DOK4: variants seen among roughly 807,000 people sequenced by gnomAD.
DOK4 encodes downstream of tyrosine kinase 4.
A neutral mutation model predicts 40.1 loss-of-function variants in DOK4; 26 were observed. That is an observed-to-expected ratio of 0.65 (90% confidence interval 0.48 to 0.90). DOK4 has a LOEUF of 0.90. Among genes scored for constraint, DOK4 ranks in the 40% least tolerant of loss-of-function variants. The pLI is 0.00. For missense variants in DOK4, 392 were observed against 437.2 expected (o/e 0.90, Z 0.92); for synonymous variants, 179 against 177.0 (o/e 1.01, Z -0.09).
At chr16:57,478,869 ACC>A (rs10609111) in intron 2 of DOK4, among the ~76,000 whole-genome samples, 15,784 of 151,976 alleles carry the variant, frequency 0.1, 972 homozygotes, top group African/African-American at 0.16. Context: ...GCCTCACACC[ACC>A]CCGTCTCGCC....
chr16:57,479,642 C>T lies in DOK4; in HGVS notation c.-135G>A, dbSNP rs1598054931. 12 of 815,558 alleles carry T rather than the reference C, an allele frequency of 1.5e-5. No homozygotes were observed. Among genetic ancestry groups the T allele is most frequent in the East Asian group, 1.0e-4 (4 of 39,046 alleles). 50.5% of individuals were successfully genotyped at this position (815,558 alleles called of 1,614,324 possible). ...GCTGCCGCGAGGGGCTGCTCCTCACCTCACCCGCCTCAGCATTGTTCTAGC... is the reference window on the plus strand; with the variant it reads ...GCTGCCGCGAGGGGCTGCTCCTCACTTCACCCGCCTCAGCATTGTTCTAGC... On this transcript the variant is annotated 5_prime_UTR_variant, in exon 2 of 9. Transcript: ENST00000340099. The surrounding 1 kb of genome is among the most constrained non-coding windows in gnomAD (Gnocchi z 5.8).
intron 7 of DOK4, 30 bp from the exon 8 acceptor site, chr16:57,473,766 T>C: frequency 6.3e-7 from 1 of 1,597,154 alleles, no homozygotes; most frequent in Non-Finnish European, 8.5e-7. Flanking sequence ...GTCACTCCCA[T>C]TAGTGGCTTA....
Position 57,479,706 on chromosome 16 carries a change from A to T in DOK4, c.-181-18T>A, listed in dbSNP as rs781641324. The T allele has an allele frequency of 1.9e-6, 1 of 535,274 alleles. No homozygotes were observed. The highest frequency in any genetic ancestry group is 3.3e-6 in the Non-Finnish European group (1 of 300,412). 33.2% of individuals were successfully genotyped at this position (535,274 alleles called of 1,614,324 possible). On this transcript the variant is annotated intron_variant, in intron 1 of 8. Transcript: ENST00000340099. The surrounding 1 kb of genome is among the most constrained non-coding windows in gnomAD (Gnocchi z 5.8). Reference sequence around the variant, plus strand: ...CGCGCCTGCTGGAAATAAAAATGACAGGGAGATTAGAGACAGTGACATCTT... The same window carrying T: ...CGCGCCTGCTGGAAATAAAAATGACTGGGAGATTAGAGACAGTGACATCTT...
At chr16:57,484,769 AC>A (rs2031501757) in intron 1 of DOK4, among the ~76,000 whole-genome samples, 1 of 152,000 alleles carries the variant, frequency 6.6e-6, no homozygotes, top group South Asian at 2.1e-4. Context: ...GACTACCCTC[AC>A]CAAAGGACCC....
rs11390639 is a variant in DOK4, at chr16:57,482,363, G to GTTTT, written c.-181-2679_-181-2676dup. 1.5e-3 allele frequency among the ~76,000 whole-genome samples: 138 copies of GTTTT among 93,016 alleles called. 1 individual carries two copies. The highest frequency in any genetic ancestry group is 1.8e-3 in the Non-Finnish European group (90 of 49,726). 61.0% of individuals were successfully genotyped at this position (93,016 alleles called of 152,430 possible). A position where few individuals can be genotyped will look rare whatever the true frequency, so the allele number is the denominator to read the frequency against. ...ACTTGTTTGTAGAGATGGGGCTTTT[G>GTTTT]TTTTTTTTTTTTTTTTTTTTTGAGA... On this transcript the variant is annotated intron_variant, in intron 1 of 8. Transcript: ENST00000340099.
rs142673555 is a variant in DOK4, at chr16:57,475,518, T to C, written c.277A>G (p.Thr93Ala). Residue 93 changes from threonine (T) to alanine (A), a missense_variant, in exon 4 of 9, where the codon ACC (threonine) becomes GCC (alanine). Coordinates refer to ENST00000340099, the Ensembl canonical transcript of DOK4. ...ACTCGCGCCTCACCTGAGTCGCAGG[T>C]GAAGGTACGTGCCGAGTCATCAGTG... 175 of 1,606,476 alleles carry C rather than the reference T, an allele frequency of 1.1e-4. No homozygotes were observed. The highest frequency in any genetic ancestry group is 1.4e-4 in the Non-Finnish European group (168 of 1,177,502).
At chr16:57,483,726 T>C (rs929129838) in intron 1 of DOK4, among the ~76,000 whole-genome samples, 3 of 152,144 alleles carry the variant, frequency 2.0e-5, no homozygotes, top group African/African-American at 4.8e-5. Flanking sequence ...CCTGCCCTGT[T>C]TGTCCCTCAG....
intron 3 of DOK4, 46 bp from the exon 4 acceptor site, chr16:57,475,666 C>CTCTCTT: frequency 1.8e-6 from 1 of 548,262 alleles, no homozygotes; most frequent in East Asian, 3.6e-5. Context: ...GTGCATCTCT[C>CTCTCTT]TCTCTCTCTC....
Position 57,485,220 on chromosome 16 carries a change from G to A in DOK4, c.-182+1085C>T, listed in dbSNP as rs1359914637. On this transcript the variant is annotated intron_variant, in intron 1 of 8. Coordinates refer to ENST00000340099, the Ensembl canonical transcript of DOK4. The surrounding 1 kb of genome is among the most constrained non-coding windows in gnomAD (Gnocchi z 4.3). ...GCAGTTTGGTTCAGAGCTGCCTCAG[G>A]GAAGAGCATGCTGCTGACATCGAGG... Among the ~76,000 whole-genome samples the A allele has an allele frequency of 6.6e-6, 1 of 152,228 alleles. No homozygotes were observed. The highest frequency in any genetic ancestry group is 2.4e-5 in the African/African-American group (1 of 41,456).
chr16:57,475,652 G>GCCAGT (rs1405707277), intron 3 of DOK4, 32 bp from the exon 4 acceptor site: 1 of 1,224,002 alleles, frequency 8.2e-7, no homozygotes, highest in African/African-American at 1.7e-5. Flanking sequence ...ACTTAGCCAG[G>GCCAGT]CCAGTGCATC....
At chr16:57,478,087 G>T (rs529416393) in intron 2 of DOK4, among the ~76,000 whole-genome samples, 1 of 152,344 alleles carries the variant, frequency 6.6e-6, no homozygotes, top group Admixed American at 6.5e-5. Context: ...AATGAGAAGT[G>T]ATGTTAGAAG....
chr16:57,475,907 G>A (rs2031156772), exon 3 of DOK4: 1 of 1,613,506 alleles, frequency 6.2e-7, no homozygotes. Context: ...CCAGCCGCTG[G>A]GGCCCCTTGC....
intron 2 of DOK4, among the ~76,000 whole-genome samples, chr16:57,478,967 G>A (rs1226820946): frequency 6.6e-6 from 1 of 152,188 alleles, no homozygotes; most frequent in African/African-American, 2.4e-5. Context: ...ACGGAAAGCA[G>A]TCAGAAGCAA....
chr16:57,482,453 G>A (rs1210891765), intron 1 of DOK4, among the ~76,000 whole-genome samples: 3 of 131,932 alleles, frequency 2.3e-5, no homozygotes, highest in African/African-American at 8.6e-5. Flanking sequence ...TGCAAGCTCC[G>A]CCTCCCGGGT....
At chr16:57,473,722 G>C in exon 8 of DOK4, 1 of 1,611,130 alleles carries the variant, frequency 6.2e-7, no homozygotes, top group Non-Finnish European at 8.5e-7. Context: ...AATGTTCCGT[G>C]CCCTTGTTCA....
chr16:57,486,370 G>C (rs1416375534), exon 1 of DOK4: 1 of 151,548 alleles, frequency 6.6e-6, no homozygotes, highest in Admixed American at 6.6e-5. Flanking sequence ...TCATGCCCGC[G>C]TCACGGCGCG....
intron 1 of DOK4, among the ~76,000 whole-genome samples, chr16:57,484,860 C>T (rs181763199): frequency 1.3e-5 from 2 of 152,378 alleles, no homozygotes; most frequent in Admixed American, 1.3e-4. Flanking sequence ...GTTCTTACAT[C>T]TGTCCATTTG....
At position 57,479,377 on chromosome 16, in the gene DOK4, C is replaced by A; in HGVS notation, c.66+65G>T. 2 of 1,585,130 alleles carry A rather than the reference C, an allele frequency of 1.3e-6. No homozygotes were observed. The highest frequency in any genetic ancestry group is 1.7e-5 in the Admixed American group (1 of 59,512). On this transcript the variant is annotated intron_variant, in intron 2 of 8. Coordinates refer to ENST00000340099, the Ensembl canonical transcript of DOK4. This position sits in a 1 kb window ranked among gnomAD's most constrained non-coding sequence, Gnocchi z 5.8. ...GTGCCCCACGCGCCATGCCTCCAAG[C>A]CTGGGACCGAGTCCTCGGGCCCCCA...
At position 57,473,896 on chromosome 16, in the gene DOK4, C is replaced by T. The variant is rs543782949; in HGVS notation, c.738+5G>A. 6.2e-7 allele frequency: 1 copy of T among 1,611,608 alleles called. No individual in the cohort carries two copies. Among genetic ancestry groups the T allele is most frequent in the South Asian group, 1.1e-5 (1 of 91,008 alleles). On this transcript the variant is annotated splice_donor_5th_base_variant and intron_variant, in intron 7 of 8. Transcript: ENST00000340099. ...CGTACCCTGGACTGATGCCCGCTGCCTCACCCTCACGTTCTTCTCCATTTC... is the reference window on the plus strand; with the variant it reads ...CGTACCCTGGACTGATGCCCGCTGCTTCACCCTCACGTTCTTCTCCATTTC...
Sources: allele counts gnomAD v4.1 joint callset (sites outside exome capture counted in the v4.1 genomes callset), GRCh38; gene constraint gnomAD v4.1.1; non-coding constraint Gnocchi (gnomAD v3.1); transcripts MANE v1.5; gene names NCBI Gene and HGNC (gene_info 2026-07-23, HGNC 2026-07-21).